The following DCC variants were observed in gnomAD, a reference collection of about 807,000 sequenced individuals.
DCC encodes the protein DCC netrin 1 receptor, also known as netrin receptor DCC.
A neutral mutation model predicts 172.5 loss-of-function variants in DCC; 58 were observed. The ratio of observed to expected loss-of-function variants is 0.34; its 90% CI spans 0.27 to 0.42. DCC has a LOEUF of 0.42. DCC is among the 10% of genes least tolerant of loss of function. DCC has a pLI of 1.00. For missense variants in DCC, 1,740 were observed against 1,791.0 expected (o/e 0.97, Z 0.51); for synonymous variants, 709 against 644.5 (o/e 1.10, Z -1.52).
intron 2 of DCC, among the ~76,000 whole-genome samples, chr18:52,754,751 T>G (rs547711843): frequency 9.8e-5 from 15 of 152,360 alleles, no homozygotes; most frequent in Admixed American, 6.5e-4. Flanking sequence ...TGCTTTTCTT[T>G]GGACTGACTT....
At chr18:52,763,581 A>G (rs2037196630) in intron 2 of DCC, among the ~76,000 whole-genome samples, 1 of 152,216 alleles carries the variant, frequency 6.6e-6, no homozygotes, top group South Asian at 2.1e-4. Context: ...CTCAGTATAC[A>G]CATTGTGAAT....
chr18:53,482,521 TTA>T (rs140477855), intron 25 of DCC, among the ~76,000 whole-genome samples: 290 of 152,254 alleles, frequency 1.9e-3, no homozygotes, highest in African/African-American at 6.0e-3. Flanking sequence ...CAAAATTGTT[TTA>T]TGTTTCTCTC....
At chr18:53,318,657 G>A (rs569847502) in intron 13 of DCC, among the ~76,000 whole-genome samples, 5 of 152,074 alleles carry the variant, frequency 3.3e-5, no homozygotes, top group Admixed American at 3.3e-4. Flanking sequence ...TTATGAATCT[G>A]GGTGCTCCTG....
chr18:52,800,618 C>A (rs1298607200), intron 2 of DCC, among the ~76,000 whole-genome samples: 2 of 152,064 alleles, frequency 1.3e-5, no homozygotes, highest in African/African-American at 4.8e-5. Flanking sequence ...TGTGTGATAG[C>A]ATTTTCAACA....
At chr18:53,012,141 C>T (rs1185682007) in intron 5 of DCC, among the ~76,000 whole-genome samples, 2 of 151,802 alleles carry the variant, frequency 1.3e-5, no homozygotes, top group Non-Finnish European at 1.5e-5. Context: ...TGACAATTTC[C>T]TGTAAATATA....
In DCC at chr18:52,511,763, G is replaced by T. The variant is rs140607387; in HGVS notation, c.91+170885G>T. On this transcript the variant is annotated intron_variant, in intron 1 of 28. Transcript: ENST00000442544. Reference sequence around the variant, plus strand: ...ACATACAAATAGACTGAAGCTCACAGATATTAAACAATTTATTTAAAGTAT... The same window carrying T: ...ACATACAAATAGACTGAAGCTCACATATATTAAACAATTTATTTAAAGTAT... Among the ~76,000 whole-genome samples, 16 of 152,274 alleles carry T rather than the reference G, an allele frequency of 1.1e-4. No individual in the cohort carries two copies. In the East Asian group the frequency reaches 1.2e-3, roughly 11 times the overall value.
intron 18 of DCC, among the ~76,000 whole-genome samples, chr18:53,402,238 A>G (rs1435935000): frequency 2.0e-5 from 3 of 152,200 alleles, no homozygotes; most frequent in Admixed American, 2.0e-4. Context: ...CAAAATTAAA[A>G]TTAAAAATTA....
chr18:52,847,551 T>C (rs2038913552), intron 2 of DCC, among the ~76,000 whole-genome samples: 1 of 152,218 alleles, frequency 6.6e-6, no homozygotes, highest in Admixed American at 6.5e-5. Flanking sequence ...TTGCATCTGC[T>C]AGCCAAACGA....
chr18:52,901,383 T>C (rs1156813708), intron 2 of DCC, among the ~76,000 whole-genome samples: 1 of 152,006 alleles, frequency 6.6e-6, no homozygotes, highest in African/African-American at 2.4e-5. Flanking sequence ...TGAGCTGAGA[T>C]CGTGCCAACA....
chr18:52,954,864 T>C (rs112615178), intron 5 of DCC, among the ~76,000 whole-genome samples: 1,808 of 152,296 alleles, frequency 0.012, 27 homozygotes, highest in African/African-American at 0.04. Context: ...GCTTAAGTTA[T>C]GTCTGTATGC....
chr18:52,864,189 C>G (rs1478934604), intron 2 of DCC, among the ~76,000 whole-genome samples: 1 of 152,114 alleles, frequency 6.6e-6, no homozygotes, highest in African/African-American at 2.4e-5. Flanking sequence ...GTAAGTGGAA[C>G]AACTTAAAAT....
chr18:52,422,799 G>A (rs12959714), intron 1 of DCC, among the ~76,000 whole-genome samples: 3,208 of 152,256 alleles, frequency 0.021, 50 homozygotes, highest in Admixed American at 0.039. Context: ...TGGAATATGT[G>A]AAGAAGGTAT....
intron 2 of DCC, among the ~76,000 whole-genome samples, chr18:52,808,667 C>T (rs367995286): frequency 1.0e-3 from 153 of 152,272 alleles, no homozygotes; most frequent in African/African-American, 3.7e-3. Flanking sequence ...CTGCCACCTG[C>T]CAGTGGCAGG....
chr18:53,107,480 A>C (rs1220303719), intron 7 of DCC, among the ~76,000 whole-genome samples: 1 of 147,446 alleles, frequency 6.8e-6, no homozygotes, highest in African/African-American at 2.5e-5. Context: ...ATTGTGTCTG[A>C]TGCTCTCTTA....
intron 12 of DCC, among the ~76,000 whole-genome samples, chr18:53,302,389 A>T (rs907718273): frequency 6.6e-6 from 1 of 152,204 alleles, no homozygotes; most frequent in Non-Finnish European, 1.5e-5. Flanking sequence ...TATTTAGACT[A>T]TTCTGACTTC....
chr18:53,437,658 C>A (rs1161944794), intron 22 of DCC, among the ~76,000 whole-genome samples: 4 of 151,026 alleles, frequency 2.6e-5, no homozygotes, highest in Non-Finnish European at 4.4e-5. Flanking sequence ...AAAACAGACC[C>A]CAGGCCATGC....
chr18:52,775,321 T>G (rs1214181552), intron 2 of DCC, among the ~76,000 whole-genome samples: 2 of 152,106 alleles, frequency 1.3e-5, no homozygotes, highest in African/African-American at 4.8e-5. Flanking sequence ...GAAGCCCCAG[T>G]GGGCGTGTGT....
intron 7 of DCC, among the ~76,000 whole-genome samples, chr18:53,107,467 A>G (rs1281520219): frequency 6.6e-6 from 1 of 150,382 alleles, no homozygotes; most frequent in Non-Finnish European, 1.5e-5. Context: ...CCTATAGAAG[A>G]GAATTGTGTC....
At chr18:53,488,672 G>A (rs912538564) in intron 26 of DCC, among the ~76,000 whole-genome samples, 17 of 152,096 alleles carry the variant, frequency 1.1e-4, no homozygotes, top group African/African-American at 2.7e-4. Flanking sequence ...AAAGCTCAAC[G>A]AAAATGAATA....
Sources: allele counts gnomAD v4.1 joint callset (sites outside exome capture counted in the v4.1 genomes callset), GRCh38; gene constraint gnomAD v4.1.1; transcripts MANE v1.5; gene names NCBI Gene and HGNC (gene_info 2026-07-23, HGNC 2026-07-21).